The following UNC5C variants were observed in gnomAD, a reference collection of about 807,000 sequenced individuals.
The protein encoded by UNC5C is netrin receptor UNC5C.
Under a neutral mutation model 99.8 loss-of-function variants are expected in UNC5C, and 47 were observed. That is an observed-to-expected ratio of 0.47 (90% confidence interval 0.37 to 0.60). UNC5C has a LOEUF of 0.60. Ranked by LOEUF, UNC5C falls within the 20% of genes least tolerant of loss-of-function variation. The probability of loss-of-function intolerance (pLI) is 0.00; values close to 1 mark genes in which losing one functional copy is unlikely to be tolerated. For synonymous variants in UNC5C, 487 were observed against 452.2 expected (o/e 1.08, Z -0.98); for missense variants, 1,062 against 1,165.9 (o/e 0.91, Z 1.30).
chr4:95,406,891 C>A (rs540141823), intron 1 of UNC5C, among the ~76,000 whole-genome samples: 1 of 152,226 alleles, frequency 6.6e-6, no homozygotes, highest in East Asian at 1.9e-4. Context: ...TATGCTCACT[C>A]AAAAATGCAA....
At chr4:95,218,895 C>T (rs954407997) in intron 9 of UNC5C, 74 bp downstream of exon 9, 290 of 1,438,226 alleles carry the variant, frequency 2.0e-4, no homozygotes, top group Non-Finnish European at 2.6e-4. Flanking sequence ...AAACATCCCA[C>T]GAACAAAAAA....
At chr4:95,413,558 T>G (rs562536752) in intron 1 of UNC5C, among the ~76,000 whole-genome samples, 2 of 152,168 alleles carry the variant, frequency 1.3e-5, no homozygotes, top group African/African-American at 2.4e-5. Flanking sequence ...TATAATACGA[T>G]TCAGAATAAT....
chr4:95,235,969 C>A (rs933851026), intron 7 of UNC5C, among the ~76,000 whole-genome samples: 2 of 152,286 alleles, frequency 1.3e-5, no homozygotes, highest in Admixed American at 6.5e-5. Flanking sequence ...AATAGGAACA[C>A]TTTTACAGTG....
intron 1 of UNC5C, among the ~76,000 whole-genome samples, chr4:95,462,656 A>G (rs940478461): frequency 5.3e-5 from 8 of 152,228 alleles, no homozygotes. Context: ...TTTCCTAAAA[A>G]TAAAATATAG....
intron 12 of UNC5C, among the ~76,000 whole-genome samples, chr4:95,192,684 C>T (rs1310563380): frequency 6.9e-6 from 1 of 145,766 alleles, no homozygotes; most frequent in Non-Finnish European, 1.5e-5. Context: ...CTCCTCTGTT[C>T]ACCCTCCTCC....
chr4:95,348,032 G>T (rs544316417), intron 1 of UNC5C, among the ~76,000 whole-genome samples: 8 of 152,020 alleles, frequency 5.3e-5, no homozygotes, highest in Admixed American at 2.0e-4. Context: ...TTAGTAACTA[G>T]AAGAGATAGG....
At chr4:95,238,799 C>T (rs774471060) in intron 7 of UNC5C, among the ~76,000 whole-genome samples, 1 of 152,152 alleles carries the variant, frequency 6.6e-6, no homozygotes, top group Non-Finnish European at 1.5e-5. Flanking sequence ...TATAAATTTT[C>T]TCTTCAGCTT....
chr4:95,431,929 G>A (rs190259869), intron 1 of UNC5C, among the ~76,000 whole-genome samples: 165 of 152,146 alleles, frequency 1.1e-3, no homozygotes, highest in South Asian at 3.7e-3. Context: ...TGAACAAATT[G>A]CTTCCCTCAT....
chr4:95,290,807 C>T (rs1741415240), intron 3 of UNC5C, among the ~76,000 whole-genome samples: 1 of 152,112 alleles, frequency 6.6e-6, no homozygotes, highest in South Asian at 2.1e-4. Flanking sequence ...GTAAAGTTTT[C>T]GTTCTCTCTT....
intron 3 of UNC5C, among the ~76,000 whole-genome samples, chr4:95,296,393 A>G (rs958378832): frequency 6.6e-6 from 1 of 152,202 alleles, no homozygotes; most frequent in African/African-American, 2.4e-5. Flanking sequence ...TTTTATTTGA[A>G]AATAGATTGA....
At chr4:95,184,592 G>A (rs17023145) in intron 13 of UNC5C, among the ~76,000 whole-genome samples, 2,150 of 152,198 alleles carry the variant, frequency 0.014, 59 homozygotes, top group African/African-American at 0.048. Flanking sequence ...TATCCTGATT[G>A]GGTTTTACTT....
chr4:95,391,863 G>C (rs1457664267), intron 1 of UNC5C, among the ~76,000 whole-genome samples: 1 of 151,670 alleles, frequency 6.6e-6, no homozygotes, highest in Admixed American at 6.6e-5. Context: ...GATCACTTGA[G>C]ACCATGAGTT....
chr4:95,269,870 G>A (rs193148552), intron 4 of UNC5C, among the ~76,000 whole-genome samples: 4 of 151,980 alleles, frequency 2.6e-5, no homozygotes, highest in East Asian at 1.9e-4. Context: ...GCACCACCAC[G>A]CCCGGCTAAT....
At chr4:95,490,835 A>C (rs994133035) in intron 1 of UNC5C, among the ~76,000 whole-genome samples, 1 of 151,778 alleles carries the variant, frequency 6.6e-6, no homozygotes, top group Non-Finnish European at 1.5e-5. Context: ...ACAATTTATC[A>C]AATAATTTAT....
intron 14 of UNC5C, among the ~76,000 whole-genome samples, chr4:95,170,591 G>T (rs1736058639): frequency 6.6e-6 from 1 of 152,172 alleles, no homozygotes; most frequent in Non-Finnish European, 1.5e-5. Context: ...GACTGGGCTG[G>T]ATGGAAAGCT....
intron 1 of UNC5C, among the ~76,000 whole-genome samples, chr4:95,363,893 A>C (rs2621467): frequency 0.16 from 23,846 of 152,124 alleles, 2,086 homozygotes; most frequent in Admixed American, 0.2. Context: ...TACCATACGT[A>C]GATGCTGAAT....
chr4:95,513,035 T>C (rs1254323196), intron 1 of UNC5C, among the ~76,000 whole-genome samples: 9 of 152,182 alleles, frequency 5.9e-5, no homozygotes, highest in Admixed American at 4.6e-4. Context: ...TGGTAGCAGT[T>C]AGCATCACAA....
chr4:95,292,531 C>A (rs1741515529), intron 3 of UNC5C, among the ~76,000 whole-genome samples: 1 of 151,920 alleles, frequency 6.6e-6, no homozygotes, highest in Non-Finnish European at 1.5e-5. Flanking sequence ...GTGAAAAAAC[C>A]AAACCCAAAT....
chr4:95,333,270 A>C (rs1187810015), intron 2 of UNC5C, among the ~76,000 whole-genome samples: 2 of 152,252 alleles, frequency 1.3e-5, no homozygotes, highest in East Asian at 1.9e-4. Context: ...ACACATGCAC[A>C]CGTATGTTTA....
Sources: allele counts gnomAD v4.1 joint callset (sites outside exome capture counted in the v4.1 genomes callset), GRCh38; gene constraint gnomAD v4.1.1; transcripts MANE v1.5; gene names NCBI Gene and HGNC (gene_info 2026-07-23, HGNC 2026-07-21).